The following RIDA variants were observed in gnomAD, a reference collection of about 807,000 sequenced individuals.
RIDA encodes the protein reactive intermediate imine deaminase A.
RIDA carries 17 observed loss-of-function variants against 17.8 expected under a neutral mutation model. The observed-to-expected ratio is 0.96, with a 90% CI of 0.65 to 1.43. The LOEUF (loss-of-function observed/expected upper bound fraction) is 1.43. Ranked by LOEUF, RIDA falls within the 40% of genes most tolerant of loss-of-function variation. The pLI is 0.00. For missense variants in RIDA, 158 were observed against 161.7 expected (o/e 0.98, Z 0.12); for synonymous variants, 48 against 55.7 (o/e 0.86, Z 0.62).
chr8:98,114,562 C>T (rs900255291), intron 1 of RIDA, among the ~76,000 whole-genome samples: 1 of 151,674 alleles, frequency 6.6e-6, no homozygotes, highest in Admixed American at 6.6e-5. Flanking sequence ...TCTTGAACTC[C>T]TGAGCTTGTG....
At position 98,117,128 on chromosome 8, in the gene RIDA, G is replaced by A. The variant is rs1815854551; in HGVS notation, c.-32C>T. The A allele has an allele frequency of 6.2e-7, 1 of 1,606,196 alleles. No homozygotes were observed. Among genetic ancestry groups the A allele is most frequent in the East Asian group, 2.2e-5 (1 of 44,818 alleles). On this transcript the variant is annotated 5_prime_UTR_variant, in exon 1 of 6. Transcript: ENST00000254878. ...GCCTTCCCTCTTGCAGCCCCTTCAG[G>A]AGAAGAAGCCCCAGCACCAGCCCTG...
chr8:98,104,325 G>C (rs1408087905), intron 5 of RIDA, among the ~76,000 whole-genome samples, 164 bp downstream of exon 5: 1 of 152,000 alleles, frequency 6.6e-6, no homozygotes, highest in African/African-American at 2.4e-5. Flanking sequence ...GGCCTCAAGC[G>C]ATCCTCCTGT....
chr8:98,111,948 A>T (rs925485855), intron 1 of RIDA, among the ~76,000 whole-genome samples: 1 of 152,082 alleles, frequency 6.6e-6, no homozygotes, highest in Non-Finnish European at 1.5e-5. Context: ...CAGTTTTTTT[A>T]ATGAACAGAT....
chr8:98,108,713 C>T lies in RIDA; in HGVS notation c.104G>A (p.Gly35Glu), dbSNP rs1196738692. Residue 35 changes from glycine to glutamate, a missense_variant, in exon 2 of 6, where the codon GGA (glycine) becomes GAA (glutamate). By Grantham distance (98) the Gly-to-Glu change is moderately conservative (BLOSUM62 -2). Coordinates refer to ENST00000254878, the MANE Select transcript of RIDA (RefSeq NM_005836.3). ...VLVDRTIYIS[G>E]QIGMDPSSGQ... The stretch of plus-strand genomic sequence containing the variant: ...ACTTGAAGGGTCCATGCCTATCTGT[C>T]CTGAAATGTAAATGGTCCTGTCGAC... 1.2e-6 allele frequency: 2 copies of T among 1,613,490 alleles called. No homozygotes were observed. The highest frequency in any genetic ancestry group is 1.7e-6 in the Non-Finnish European group (2 of 1,179,666).
At chr8:98,108,400 A>T (rs1438548486) in intron 2 of RIDA, among the ~76,000 whole-genome samples, 1 of 151,976 alleles carries the variant, frequency 6.6e-6, no homozygotes, top group Non-Finnish European at 1.5e-5. Flanking sequence ...TCTGACGTCA[A>T]TAATTCAGGT....
chr8:98,105,801 A>G, intron 4 of RIDA, 137 bp downstream of exon 4: 1 of 583,524 alleles, frequency 1.7e-6, no homozygotes, highest in Admixed American at 2.9e-5. Flanking sequence ...TTCCAATCAG[A>G]TTATTAATTC....
At position 98,104,532 on chromosome 8, in the gene RIDA, T is replaced by C. The variant is rs1563762875; in HGVS notation, c.308A>G (p.Asn103Ser). ...NEIYKQYFKS[N>S]FPARAAYQVA... Reference sequence around the variant, plus strand: ...TTGGTAAGCAGCTCTAGCAGGAAAATTACTCTTGAAATCTGAATTTAAAAG... The same window carrying C: ...TTGGTAAGCAGCTCTAGCAGGAAAACTACTCTTGAAATCTGAATTTAAAAG... Residue 103 changes from asparagine to serine, a missense_variant, in exon 5 of 6, where the codon AAT (asparagine) becomes AGT (serine). Transcript: ENST00000254878. The C allele has an allele frequency of 6.3e-7, 1 of 1,587,050 alleles. No individual in the cohort carries two copies. The highest frequency in any genetic ancestry group is 2.2e-5 in the East Asian group (1 of 44,744).
At position 98,116,658 on chromosome 8, in the gene RIDA, C is replaced by T. The variant is rs151025168; in HGVS notation, c.65+374G>A. On this transcript the variant is annotated intron_variant, in intron 1 of 5. Coordinates refer to ENST00000254878, the MANE Select transcript of RIDA (RefSeq NM_005836.3). The stretch of plus-strand genomic sequence containing the variant: ...AACTCTGTGAGTATGGTCAAAACCA[C>T]TGAATTGTACATGTTAAAGGGGGTG... 5.5e-3 allele frequency among the ~76,000 whole-genome samples: 828 copies of T among 150,956 alleles called. 4 individuals are homozygous for T. The highest frequency in any genetic ancestry group is 0.027 in the Middle Eastern group (8 of 294).
chr8:98,102,887 A>ATATTATTTTTAACTGAATTACTTGG lies in RIDA; in HGVS notation c.368_369insCCAAGTAATTCAGTTAAAAATAATA (p.Glu124GlnfsTer9). The ATATTATTTTTAACTGAATTACTTGG allele has an allele frequency of 6.2e-7, 1 of 1,613,418 alleles. No individual in the cohort carries two copies. The highest frequency in any genetic ancestry group is 8.5e-7 in the Non-Finnish European group (1 of 1,179,498). ...GTGGTCCTTGGATAGCTACTGCTTC[A>ATATTATTTTTAACTGAATTACTTGG]ATTTCAATTCGGCTGCCCTGTGAGG... On this transcript the variant is annotated frameshift_variant, in exon 6 of 6. Coordinates refer to ENST00000254878, the MANE Select transcript of RIDA (RefSeq NM_005836.3). LOFTEE classifies it high-confidence loss of function.
intron 5 of RIDA, 129 bp from the exon 6 acceptor site, chr8:98,103,033 G>A: frequency 1.6e-6 from 1 of 632,330 alleles, no homozygotes; most frequent in Middle Eastern, 3.1e-4. Flanking sequence ...GGAAGGAAAG[G>A]AGAAGGAAAT....
intron 2 of RIDA, 80 bp from the exon 3 acceptor site, chr8:98,106,406 C>T: frequency 8.4e-7 from 1 of 1,183,802 alleles, no homozygotes; most frequent in Non-Finnish European, 1.3e-6. Context: ...TCATCTTTTA[C>T]TAATACCTCC....
intron 2 of RIDA, among the ~76,000 whole-genome samples, chr8:98,107,243 G>C (rs1815645240): frequency 6.6e-6 from 1 of 152,194 alleles, no homozygotes; most frequent in Non-Finnish European, 1.5e-5. Context: ...CTTTCAGCTA[G>C]GCCGGGTGTG....
intron 5 of RIDA, among the ~76,000 whole-genome samples, chr8:98,103,263 T>C (rs1007446527): frequency 1.3e-5 from 2 of 152,234 alleles, no homozygotes; most frequent in African/African-American, 4.8e-5. Flanking sequence ...TTCAGAGCTC[T>C]TTCTACTACA....
intron 5 of RIDA, among the ~76,000 whole-genome samples, chr8:98,103,270 T>C (rs1311598582): frequency 2.0e-5 from 3 of 152,206 alleles, no homozygotes; most frequent in African/African-American, 7.2e-5. Flanking sequence ...CTCTTTCTAC[T>C]ACACCCAGTA....
intron 1 of RIDA, among the ~76,000 whole-genome samples, chr8:98,112,246 T>C (rs1266851017): frequency 2.7e-5 from 4 of 150,056 alleles, no homozygotes; most frequent in Admixed American, 2.0e-4. Flanking sequence ...ACTAAGCTTT[T>C]CTTTCCCCTG....
At chr8:98,107,447 C>A (rs1400038316) in intron 2 of RIDA, among the ~76,000 whole-genome samples, 1 of 152,150 alleles carries the variant, frequency 6.6e-6, no homozygotes, top group Non-Finnish European at 1.5e-5. Flanking sequence ...TTGCTTGAAC[C>A]TGGAAGACAG....
chr8:98,102,817 C>G lies in RIDA; in HGVS notation c.*25G>C. The G allele has an allele frequency of 6.6e-7, 1 of 1,516,494 alleles. No individual in the cohort carries two copies. The highest frequency in any genetic ancestry group is 2.3e-5 in the East Asian group (1 of 44,096). 93.9% of individuals were successfully genotyped at this position (1,516,494 alleles called of 1,614,324 possible). On this transcript the variant is annotated 3_prime_UTR_variant, in exon 6 of 6. Transcript: ENST00000254878. The stretch of plus-strand genomic sequence containing the variant: ...TGTAAAAATTAAAATGTTAACAATT[C>G]CAGACTACACAGCACTGGGCCCACT...
Position 98,117,036 on chromosome 8 carries a change from A to AG in RIDA, c.60dup (p.Tyr21LeufsTer36). 1 of 1,613,642 alleles carries AG rather than the reference A, an allele frequency of 6.2e-7. No individual in the cohort carries two copies. Among genetic ancestry groups the AG allele is most frequent in the South Asian group, 1.1e-5 (1 of 91,078 alleles). On this transcript the variant is annotated frameshift_variant, in exon 1 of 6. Transcript: ENST00000254878. LOFTEE classifies it high-confidence loss of function. ...AGCTTCCACCAGCCACGTTACCTGT[A>AG]GGGTCCAATGGCCCCTGGGGCTTTC...
chr8:98,117,111 T>A lies in RIDA; in HGVS notation c.-15A>T, dbSNP rs563267746. ...AAGGACGACATGGCTAAGCCTTCCC[T>A]CTTGCAGCCCCTTCAGGAGAAGAAG... On this transcript the variant is annotated 5_prime_UTR_variant, in exon 1 of 6. Transcript: ENST00000254878. The A allele has an allele frequency of 3.0e-5, 49 of 1,613,652 alleles. No homozygotes were observed. In the East Asian group the frequency reaches 1.0e-3, roughly 35 times the overall value.
Sources: allele counts gnomAD v4.1 joint callset (sites outside exome capture counted in the v4.1 genomes callset), GRCh38; gene constraint gnomAD v4.1.1; transcripts MANE v1.5; gene names NCBI Gene and HGNC (gene_info 2026-07-23, HGNC 2026-07-21).